The following HS3ST4 variants were observed in gnomAD, a reference collection of about 807,000 sequenced individuals.
The protein encoded by HS3ST4 is heparan sulfate glucosamine 3-O-sulfotransferase 4.
In HS3ST4, 17 loss-of-function variants were observed where a neutral mutation model predicts 29.2. The ratio of observed to expected loss-of-function variants is 0.58; its 90% CI spans 0.40 to 0.87. The LOEUF (loss-of-function observed/expected upper bound fraction) is 0.87. Ranked by LOEUF, HS3ST4 falls within the 40% of genes least tolerant of loss-of-function variation. The pLI is 0.00. For synonymous variants in HS3ST4, 314 were observed against 285.7 expected (o/e 1.10, Z -1.00); for missense variants, 627 against 634.5 (o/e 0.99, Z 0.13).
intron 1 of HS3ST4, among the ~76,000 whole-genome samples, chr16:25,973,446 C>G (rs1441085608): frequency 6.6e-6 from 1 of 152,188 alleles, no homozygotes; most frequent in Non-Finnish European, 1.5e-5. Context: ...GAAGAAAATC[C>G]AGTGTGAGAA....
intron 1 of HS3ST4, among the ~76,000 whole-genome samples, chr16:25,989,861 A>G (rs7195709): frequency 0.073 from 11,082 of 152,294 alleles, 572 homozygotes; most frequent in African/African-American, 0.15. Context: ...GCTATAAAGT[A>G]GTCAGTTTGT....
intron 1 of HS3ST4, among the ~76,000 whole-genome samples, chr16:25,874,716 G>A (rs1967811473): frequency 6.6e-6 from 1 of 152,150 alleles, no homozygotes; most frequent in African/African-American, 2.4e-5. Context: ...ATTGTTCCAA[G>A]TAGCTAGAAA....
intron 1 of HS3ST4, among the ~76,000 whole-genome samples, chr16:26,080,605 A>G (rs893528686): frequency 1.3e-5 from 2 of 152,190 alleles, no homozygotes; most frequent in African/African-American, 2.4e-5. Flanking sequence ...ACATAATTCC[A>G]TTGAGAAACT....
chr16:25,799,880 A>G (rs765616764), intron 1 of HS3ST4, among the ~76,000 whole-genome samples: 4 of 151,846 alleles, frequency 2.6e-5, no homozygotes, highest in African/African-American at 9.7e-5. Context: ...GTATCTCACT[A>G]TGTTGGTCAG....
chr16:25,999,981 A>T (rs1238593244), intron 1 of HS3ST4, among the ~76,000 whole-genome samples: 1 of 148,714 alleles, frequency 6.7e-6, no homozygotes, highest in Non-Finnish European at 1.5e-5. Flanking sequence ...TGAGTTTAGA[A>T]TCCAAGAAAT....
chr16:25,871,038 C>G (rs1567260557), intron 1 of HS3ST4, among the ~76,000 whole-genome samples: 1 of 152,248 alleles, frequency 6.6e-6, no homozygotes, highest in East Asian at 1.9e-4. Context: ...GGGTAGAATA[C>G]ATTGGGTAGA....
chr16:25,776,406 C>G (rs1400549735), intron 1 of HS3ST4, among the ~76,000 whole-genome samples: 1 of 152,256 alleles, frequency 6.6e-6, no homozygotes, highest in East Asian at 1.9e-4. Context: ...AGAATGCAAC[C>G]ATTTGTCTCT....
At chr16:26,030,639 C>T (rs1013962336) in intron 1 of HS3ST4, among the ~76,000 whole-genome samples, 1 of 152,152 alleles carries the variant, frequency 6.6e-6, no homozygotes, top group Non-Finnish European at 1.5e-5. Flanking sequence ...CTATACATAC[C>T]TAGGCACCAT....
intron 1 of HS3ST4, among the ~76,000 whole-genome samples, chr16:25,979,185 T>G (rs1968976975): frequency 6.6e-6 from 1 of 152,160 alleles, no homozygotes; most frequent in Non-Finnish European, 1.5e-5. Context: ...CATGAGCCAC[T>G]GCGTCTGGCC....
At chr16:25,757,844 T>C (rs1252421003) in intron 1 of HS3ST4, among the ~76,000 whole-genome samples, 3 of 152,106 alleles carry the variant, frequency 2.0e-5, no homozygotes, top group Non-Finnish European at 4.4e-5. Context: ...TTGTAAACTG[T>C]AGAGTTCCCA....
intron 1 of HS3ST4, among the ~76,000 whole-genome samples, chr16:25,985,748 G>C (rs1034832235): frequency 1.3e-5 from 2 of 152,030 alleles, no homozygotes; most frequent in African/African-American, 4.8e-5. Context: ...GAGTGCAGTG[G>C]TGATAATGGT....
At chr16:26,100,362 C>T (rs879301571) in intron 1 of HS3ST4, among the ~76,000 whole-genome samples, 14 of 152,094 alleles carry the variant, frequency 9.2e-5, no homozygotes, top group African/African-American at 2.9e-4. Flanking sequence ...TTTGTGAATA[C>T]GAAATGTTGG....
At chr16:25,735,049 A>G (rs1459948528) in intron 1 of HS3ST4, among the ~76,000 whole-genome samples, 2 of 152,180 alleles carry the variant, frequency 1.3e-5, no homozygotes, top group Non-Finnish European at 2.9e-5. Context: ...TTGGGAGCAC[A>G]CTTCAGATGT....
At chr16:25,934,235 A>G (rs1169956811) in intron 1 of HS3ST4, among the ~76,000 whole-genome samples, 3 of 152,204 alleles carry the variant, frequency 2.0e-5, no homozygotes, top group Non-Finnish European at 4.4e-5. Context: ...TGTAGGGTCT[A>G]GAAGCAATTA....
intron 1 of HS3ST4, among the ~76,000 whole-genome samples, chr16:25,932,889 G>C (rs953085568): frequency 1.3e-5 from 2 of 152,182 alleles, no homozygotes; most frequent in African/African-American, 4.8e-5. Context: ...GTGAAATTTA[G>C]GTGCTGAGTT....
intron 1 of HS3ST4, among the ~76,000 whole-genome samples, chr16:25,720,367 G>A (rs1015486193): frequency 2.0e-5 from 3 of 152,156 alleles, no homozygotes; most frequent in Non-Finnish European, 4.4e-5. Context: ...GGGAGCCCTG[G>A]TGGGATTGAA....
intron 1 of HS3ST4, among the ~76,000 whole-genome samples, chr16:25,765,155 C>T (rs1966809878): frequency 6.6e-6 from 1 of 152,324 alleles, no homozygotes; most frequent in East Asian, 1.9e-4. Context: ...ACTGGGCTTC[C>T]AGAGGCCGCA....
chr16:25,973,395 T>C (rs1968915181), intron 1 of HS3ST4, among the ~76,000 whole-genome samples: 1 of 152,174 alleles, frequency 6.6e-6, no homozygotes, highest in Non-Finnish European at 1.5e-5. Context: ...ATATTAAAGC[T>C]CAGAAAAGAA....
intron 1 of HS3ST4, among the ~76,000 whole-genome samples, chr16:25,777,079 G>C (rs1966848157): frequency 6.6e-6 from 1 of 151,956 alleles, no homozygotes; most frequent in Non-Finnish European, 1.5e-5. Context: ...TTCCTATAGT[G>C]CTTCGTCACT....
Sources: gnomAD v4.1 joint callset for allele counts (sites outside exome capture counted in the v4.1 genomes callset) on GRCh38, gnomAD v4.1.1 for gene constraint, MANE v1.5 for transcripts, NCBI Gene and HGNC (gene_info 2026-07-23, HGNC 2026-07-21) for gene names.